PDE11A: variants seen among roughly 807,000 people sequenced by gnomAD.
PDE11A encodes the protein dual 3',5'-cyclic-AMP and -GMP phosphodiesterase 11A.
Under a neutral mutation model 100.5 loss-of-function variants are expected in PDE11A, and 100 were observed. The observed-to-expected ratio is 1.00, with a 90% CI of 0.85 to 1.18. The LOEUF (loss-of-function observed/expected upper bound fraction) is 1.18, where lower values mean the gene tolerates loss of function less well. Among genes scored for constraint, PDE11A ranks in the 50% most tolerant of loss-of-function variants. PDE11A has a pLI of 0.00. For synonymous variants in PDE11A, 381 were observed against 420.8 expected (o/e 0.91, Z 1.16); for missense variants, 1,141 against 1,152.6 (o/e 0.99, Z 0.15).
At position 177,940,080 on chromosome 2, in the gene PDE11A, C is replaced by T. The variant is rs72950807; in HGVS notation, c.1072-34893G>A. On this transcript the variant is annotated intron_variant, in intron 2 of 19. Transcript: ENST00000286063. ...TGAATGACGTTTGAAATTTGCTTCA[C>T]GATAACATGGGAGGAGGAGGAGGAA... 4.5e-3 allele frequency among the ~76,000 whole-genome samples: 679 copies of T among 151,900 alleles called. 4 individuals are homozygous for T. The highest frequency in any genetic ancestry group is 6.7e-3 in the Non-Finnish European group (453 of 67,958).
chr2:177,727,820 C>G (rs1299867304), intron 11 of PDE11A, 55 bp from the exon 12 acceptor site: 1 of 1,107,248 alleles, frequency 9.0e-7, no homozygotes, highest in Non-Finnish European at 1.4e-6. Flanking sequence ...CTAGTGGACC[C>G]TTATCTCAAT....
At chr2:177,946,734 TG>T (rs1315539252) in intron 2 of PDE11A, among the ~76,000 whole-genome samples, 289 of 3,914 alleles carry the variant, frequency 0.074, 3 homozygotes, top group Admixed American at 0.09. Context: ...GGGAGGGAGG[TG>T]GGGGGGGTCA....
At position 177,649,871 on chromosome 2, in the gene PDE11A, A is replaced by G. The variant is rs148874488; in HGVS notation, c.2646+13995T>C. 4.5e-4 allele frequency among the ~76,000 whole-genome samples: 69 copies of G among 152,300 alleles called. 1 individual carries two copies. The highest frequency in any genetic ancestry group is 1.6e-3 in the African/African-American group (68 of 41,562). On this transcript the variant is annotated intron_variant, in intron 19 of 19. Coordinates refer to ENST00000286063, the MANE Select transcript of PDE11A (RefSeq NM_016953.4). ...AAACTATTTAGCAATAAAAAATTTAAAAGTCTATCATGAACAGATAAAGGA... is the reference window on the plus strand; with the variant it reads ...AAACTATTTAGCAATAAAAAATTTAGAAGTCTATCATGAACAGATAAAGGA...
At chr2:177,682,085 C>T (rs1400330031) in intron 15 of PDE11A, among the ~76,000 whole-genome samples, 5 of 152,108 alleles carry the variant, frequency 3.3e-5, no homozygotes, top group African/African-American at 2.4e-5. Flanking sequence ...AGGCTGCTAC[C>T]TGGAGGCTTC....
At chr2:177,865,051 G>T (rs2084004733) in intron 5 of PDE11A, among the ~76,000 whole-genome samples, 1 of 152,068 alleles carries the variant, frequency 6.6e-6, no homozygotes, top group South Asian at 2.1e-4. Context: ...GGCCAAGGTG[G>T]GTGGAACACC....
chr2:178,048,422 G>A (rs1364714769), intron 1 of PDE11A, among the ~76,000 whole-genome samples: 1 of 152,134 alleles, frequency 6.6e-6, no homozygotes, highest in Admixed American at 6.5e-5. Context: ...TGTCAGAGGA[G>A]GAACAATATT....
At chr2:177,711,931 T>TA in intron 12 of PDE11A, 53 bp from the exon 13 acceptor site, 2 of 903,466 alleles carry the variant, frequency 2.2e-6, no homozygotes, top group Non-Finnish European at 3.7e-6. Context: ...GGAGGATGGA[T>TA]AAGGTTAGGT....
intron 10 of PDE11A, among the ~76,000 whole-genome samples, chr2:177,762,614 A>C (rs1345203133): frequency 6.6e-6 from 1 of 152,138 alleles, no homozygotes; most frequent in Non-Finnish European, 1.5e-5. Flanking sequence ...CCTCAAGTTC[A>C]GACTTCCTGC....
chr2:177,761,100 G>T (rs2082161717), intron 10 of PDE11A, among the ~76,000 whole-genome samples: 1 of 152,186 alleles, frequency 6.6e-6, no homozygotes, highest in Non-Finnish European at 1.5e-5. Context: ...GTATTTAGTA[G>T]TAAAGAGATT....
chr2:178,070,842 G>A (rs1389610877), intron 1 of PDE11A, among the ~76,000 whole-genome samples: 1 of 152,166 alleles, frequency 6.6e-6, no homozygotes, highest in Non-Finnish European at 1.5e-5. Context: ...GCTGACTACA[G>A]ATAATGCTAT....
intron 6 of PDE11A, among the ~76,000 whole-genome samples, chr2:177,827,903 G>T (rs1331988050): frequency 6.6e-6 from 1 of 152,138 alleles, no homozygotes; most frequent in Non-Finnish European, 1.5e-5. Flanking sequence ...CTCCTAGTTG[G>T]AATAAATCCC....
intron 19 of PDE11A, among the ~76,000 whole-genome samples, chr2:177,653,503 G>A (rs187352553): frequency 2.6e-4 from 40 of 152,272 alleles, no homozygotes; most frequent in Admixed American, 1.5e-3. Context: ...ACCTGTGAAT[G>A]TGGCCATGTT....
At chr2:177,686,490 C>T (rs2080953183) in intron 15 of PDE11A, among the ~76,000 whole-genome samples, 1 of 151,990 alleles carries the variant, frequency 6.6e-6, no homozygotes, top group African/African-American at 2.4e-5. Flanking sequence ...TAGATTGAGC[C>T]TGGGAAGTCA....
intron 19 of PDE11A, among the ~76,000 whole-genome samples, chr2:177,657,913 G>A (rs975011527): frequency 1.3e-5 from 2 of 152,188 alleles, no homozygotes; most frequent in African/African-American, 4.8e-5. Flanking sequence ...GTGCCCCAGG[G>A]GGACTGAGGA....
At chr2:177,851,110 A>C (rs2105647631) in intron 5 of PDE11A, among the ~76,000 whole-genome samples, 1 of 152,278 alleles carries the variant, frequency 6.6e-6, no homozygotes, top group Middle Eastern at 3.4e-3. Context: ...GGCACTATTC[A>C]CAATAGCAAA....
intron 5 of PDE11A, among the ~76,000 whole-genome samples, chr2:177,841,273 A>G (rs2083486501): frequency 6.6e-6 from 1 of 152,180 alleles, no homozygotes; most frequent in South Asian, 2.1e-4. Flanking sequence ...GAACTGTTCA[A>G]ATTAGTATTG....
In PDE11A at chr2:178,072,463, T is replaced by C; in HGVS notation, c.-26A>G. Reference sequence around the variant, plus strand: ...GGTCCCAGACAGCTTTCCTTGCCTGTTTACACGTGAACCAAATGTTTTCCT... The same window carrying C: ...GGTCCCAGACAGCTTTCCTTGCCTGCTTACACGTGAACCAAATGTTTTCCT... On this transcript the variant is annotated 5_prime_UTR_variant, in exon 1 of 20. Coordinates refer to ENST00000286063, the MANE Select transcript of PDE11A (RefSeq NM_016953.4). The C allele has an allele frequency of 6.2e-7, 1 of 1,612,564 alleles. No homozygotes were observed. Among genetic ancestry groups the C allele is most frequent in the Non-Finnish European group, 8.5e-7 (1 of 1,180,004 alleles).
intron 2 of PDE11A, among the ~76,000 whole-genome samples, chr2:177,994,489 G>C (rs1163052109): frequency 6.6e-6 from 1 of 152,156 alleles, no homozygotes; most frequent in Non-Finnish European, 1.5e-5. Flanking sequence ...TTTTCCTAGG[G>C]ATAATTGTGA....
chr2:177,629,867 A>C (rs188440629), intron 19 of PDE11A, among the ~76,000 whole-genome samples: 2 of 152,342 alleles, frequency 1.3e-5, no homozygotes, highest in East Asian at 3.9e-4. Flanking sequence ...GCAAGACAGG[A>C]AACAAAATAT....
Sources: allele counts gnomAD v4.1 joint callset (sites outside exome capture counted in the v4.1 genomes callset), GRCh38; gene constraint gnomAD v4.1.1; transcripts MANE v1.5; gene names NCBI Gene and HGNC (gene_info 2026-07-23, HGNC 2026-07-21).